Variants in AKAP13 observed in about 807,000 individuals in gnomAD.
AKAP13 encodes the protein A-kinase anchor protein 13.
In AKAP13, 80 loss-of-function variants were observed where a neutral mutation model predicts 264.5. The observed-to-expected ratio is 0.30, with a 90% CI of 0.25 to 0.36. AKAP13 has a LOEUF of 0.36. Ranked by LOEUF, AKAP13 falls within the 10% of genes least tolerant of loss-of-function variation. AKAP13 has a pLI of 1.00. For missense variants in AKAP13, 3,712 were observed against 3,435.2 expected (o/e 1.08, Z -2.01); for synonymous variants, 1,380 against 1,250.2 (o/e 1.10, Z -2.19).
At chr15:85,678,204 A>G (rs937956077) in intron 14 of AKAP13, among the ~76,000 whole-genome samples, 37 of 152,194 alleles carry the variant, frequency 2.4e-4, no homozygotes, top group Admixed American at 1.3e-4. Context: ...TTATAATAGA[A>G]AGTTAAATAA....
intron 6 of AKAP13, 126 bp downstream of exon 6, chr15:85,575,455 A>T (rs1431904564): frequency 2.1e-6 from 2 of 942,694 alleles, no homozygotes; most frequent in Non-Finnish European, 1.6e-6. Flanking sequence ...TCCTGGTGGG[A>T]GGCTGAGACG....
rs1342024067 is a variant in AKAP13 at position 85,409,657 on chromosome 15, C to T, written c.-12+28859C>T. ...TTTTTTTTTTTTTGAGACAGAGTCT[C>T]GCTTTGTCTGTCGCCCAGGCTGGAG... On this transcript the variant is annotated intron_variant, in intron 1 of 36. Transcript: ENST00000394518. Among the ~76,000 whole-genome samples the T allele has an allele frequency of 4.4e-5, 6 of 137,770 alleles. 1 individual carries two copies. Among genetic ancestry groups the T allele is most frequent in the African/African-American group, 1.4e-4 (5 of 35,650 alleles). 90.4% of individuals were successfully genotyped at this position (137,770 alleles called of 152,430 possible).
chr15:85,696,731 C>A (rs1052145267), intron 17 of AKAP13, among the ~76,000 whole-genome samples: 1 of 152,146 alleles, frequency 6.6e-6, no homozygotes, highest in Admixed American at 6.5e-5. Context: ...AAAATTAATA[C>A]ATAGCTGAAC....
At chr15:85,385,225 G>A (rs1282820284) in intron 1 of AKAP13, among the ~76,000 whole-genome samples, 2 of 152,024 alleles carry the variant, frequency 1.3e-5, no homozygotes, top group South Asian at 2.1e-4. Context: ...AAAGATTAAC[G>A]TTAATTCTAT....
chr15:85,708,204 A>G lies in AKAP13; in HGVS notation c.5532+118A>G, dbSNP rs987600682. 6.9e-6 allele frequency: 6 copies of G among 866,256 alleles called. No homozygotes were observed. The highest frequency in any genetic ancestry group is 1.8e-5 in the South Asian group (1 of 55,774). The allele number at this position is 866,256 out of a possible 1,614,324, so 53.7% of individuals were successfully genotyped here. A position where few individuals can be genotyped will look rare whatever the true frequency, so the allele number is the denominator to read the frequency against. ...TTGTTTATTTTAATCATTTGGTACC[A>G]ACTTTGAGAACAAATTATAACTAAA... is the stretch of plus-strand genomic sequence containing the variant. On this transcript the variant is annotated intron_variant, in intron 18 of 36. Transcript: ENST00000394518. The surrounding 1 kb of genome is among the most constrained non-coding windows in gnomAD (Gnocchi z 4.3).
At chr15:85,687,992 T>C (rs2085043389) in intron 16 of AKAP13, among the ~76,000 whole-genome samples, 1 of 147,594 alleles carries the variant, frequency 6.8e-6, no homozygotes, top group Admixed American at 6.9e-5. Flanking sequence ...GTACGCTGTG[T>C]GCACTCCAGC....
At chr15:85,485,388 T>C (rs915355023) in intron 1 of AKAP13, among the ~76,000 whole-genome samples, 1 of 152,218 alleles carries the variant, frequency 6.6e-6, no homozygotes, top group Non-Finnish European at 1.5e-5. Context: ...AAAATGTAAG[T>C]GAACATACAA....
rs779881348 is a variant in AKAP13 at position 85,579,364 on chromosome 15, G to C, written c.1296G>C (p.Met432Ile). 1.9e-6 allele frequency: 3 copies of C among 1,614,174 alleles called. No individual in the cohort carries two copies. Among genetic ancestry groups the C allele is most frequent in the Admixed American group, 3.3e-5 (2 of 60,024 alleles). The change falls in exon 7 of 37, where the codon ATG becomes ATC. Residue 432 changes from methionine (M) to isoleucine (I), a missense_variant. This residue lies in a region of AKAP13 where 2,759 missense variants were observed against 2,411.7 expected (regional missense o/e 1.14). Coordinates refer to ENST00000394518, the MANE Select transcript of AKAP13 (RefSeq NM_007200.5). Reference sequence around the variant, plus strand: ...AAACTGGAACAAAATCTTCTGGAATGCCCACAGACCAGGAGTCCCTGAGCA... The same window carrying C: ...AAACTGGAACAAAATCTTCTGGAATCCCCACAGACCAGGAGTCCCTGAGCA... ...NEETGTKSSG[M>I]PTDQESLSSG...
At chr15:85,541,117 C>T (rs566590149) in intron 4 of AKAP13, among the ~76,000 whole-genome samples, 5 of 152,272 alleles carry the variant, frequency 3.3e-5, no homozygotes, top group East Asian at 1.9e-4. Flanking sequence ...TTTGGGTTCA[C>T]GTGTATATGC....
Position 85,727,310 on chromosome 15 carries a change from C to G in AKAP13, c.7004+63C>G. ...CTGATGTCTCTGTGTGATTTCATAA[C>G]AGGCTGGACTGTGACCAGAGTAATT... On this transcript the variant is annotated intron_variant, in intron 28 of 36. Transcript: ENST00000394518. This position sits in a 1 kb window ranked among gnomAD's most constrained non-coding sequence, Gnocchi z 5.3. 6.2e-7 allele frequency: 1 copy of G among 1,610,424 alleles called. No individual in the cohort carries two copies. Among genetic ancestry groups the G allele is most frequent in the Admixed American group, 1.7e-5 (1 of 59,950 alleles).
chr15:85,399,527 A>AAAAAAAAAAAAAAAT (rs1567038675), intron 1 of AKAP13, among the ~76,000 whole-genome samples: 4 of 114,774 alleles, frequency 3.5e-5, no homozygotes, highest in East Asian at 2.3e-4. Context: ...AAAAAATAAA[A>AAAAAAAAAAAAAAAT]AAATAAAAAA....
chr15:85,629,679 C>CTCAGGGGTA (rs1258281181), intron 8 of AKAP13, among the ~76,000 whole-genome samples: 1 of 148,260 alleles, frequency 6.7e-6, no homozygotes, highest in Non-Finnish European at 1.5e-5. Flanking sequence ...AACATGCCTT[C>CTCAGGGGTA]TCAGGGGTAT....
chr15:85,381,182 C>A (rs1595985857), intron 1 of AKAP13, among the ~76,000 whole-genome samples: 1 of 152,088 alleles, frequency 6.6e-6, no homozygotes, highest in East Asian at 1.9e-4. Flanking sequence ...GTCGGCGCCG[C>A]CGGGGCGGGC....
intron 10 of AKAP13, among the ~76,000 whole-genome samples, chr15:85,650,965 A>G (rs972828356): frequency 6.6e-6 from 1 of 151,974 alleles, no homozygotes; most frequent in Non-Finnish European, 1.5e-5. Context: ...TCCAAGGCAC[A>G]TAGTAGAGTG....
intron 8 of AKAP13, among the ~76,000 whole-genome samples, chr15:85,602,256 A>T (rs1008424668): frequency 7.2e-5 from 11 of 151,862 alleles, no homozygotes; most frequent in African/African-American, 2.7e-4. Context: ...GCCCACTGCA[A>T]CCTCTACCAC....
intron 29 of AKAP13, among the ~76,000 whole-genome samples, chr15:85,730,253 C>T (rs949231022): frequency 2.0e-5 from 3 of 152,094 alleles, no homozygotes; most frequent in Admixed American, 6.6e-5. Flanking sequence ...ACAGGGGACA[C>T]GGGAGTGGAA....
At chr15:85,486,330 A>G (rs1349364815) in intron 2 of AKAP13, among the ~76,000 whole-genome samples, 1 of 152,122 alleles carries the variant, frequency 6.6e-6, no homozygotes, top group African/African-American at 2.4e-5. Flanking sequence ...TGCATAACCT[A>G]AAGTCACAGA....
At chr15:85,405,373 C>G (rs72752596) in intron 1 of AKAP13, among the ~76,000 whole-genome samples, 1 of 151,964 alleles carries the variant, frequency 6.6e-6, no homozygotes, top group Non-Finnish European at 1.5e-5. Context: ...TTTGTATCCA[C>G]GAAACAAATG....
chr15:85,726,550 C>T lies in AKAP13; in HGVS notation c.6822+64C>T, dbSNP rs550393770. On this transcript the variant is annotated intron_variant, in intron 27 of 36. Coordinates refer to ENST00000394518, the MANE Select transcript of AKAP13 (RefSeq NM_007200.5). ...AGCTAGTTTAGTTATGGAATGTAAGCACTATGTTATTGCTCTCCCCCGCCC... is the reference window on the plus strand; with the variant it reads ...AGCTAGTTTAGTTATGGAATGTAAGTACTATGTTATTGCTCTCCCCCGCCC... The T allele has an allele frequency of 9.3e-6, 13 of 1,403,134 alleles. No homozygotes were observed. The African/African-American group carries it at 1.7e-4, about 18-fold the overall frequency. The allele number at this position is 1,403,134 out of a possible 1,614,324, so 86.9% of individuals were successfully genotyped here.
Sources: gnomAD v4.1 joint callset for allele counts (sites outside exome capture counted in the v4.1 genomes callset) on GRCh38, gnomAD v4.1.1 for gene constraint, gnomAD v4.1.1 regional missense constraint, Gnocchi (gnomAD v3.1) non-coding constraint, MANE v1.5 for transcripts, NCBI Gene and HGNC (gene_info 2026-07-23, HGNC 2026-07-21) for gene names.